Variants in EBF1 observed in about 807,000 individuals in gnomAD.
The protein encoded by EBF1 is EBF transcription factor 1.
In EBF1, 10 loss-of-function variants were observed where a neutral mutation model predicts 68.4. The observed-to-expected ratio is 0.15, with a 90% confidence interval of 0.09 to 0.25. EBF1 has a LOEUF of 0.25. Among genes scored for constraint, EBF1 ranks in the 10% least tolerant of loss-of-function variants. The probability of loss-of-function intolerance (pLI) is 1.00; values close to 1 mark genes in which losing one functional copy is unlikely to be tolerated. For synonymous variants in EBF1, 298 were observed against 299.8 expected (o/e 0.99, Z 0.06); for missense variants, 509 against 794.4 (o/e 0.64, Z 4.32).
chr5:158,815,752 G>T (rs777122490), intron 8 of EBF1, among the ~76,000 whole-genome samples: 1 of 152,104 alleles, frequency 6.6e-6, no homozygotes, highest in Non-Finnish European at 1.5e-5. Context: ...TAGGATTTCC[G>T]GTGTTACCTG....
intron 9 of EBF1, among the ~76,000 whole-genome samples, chr5:158,793,504 C>T (rs551549810): frequency 1.3e-5 from 2 of 152,202 alleles, no homozygotes; most frequent in African/African-American, 2.4e-5. Flanking sequence ...TTTCTTTCCT[C>T]TTTCTGTCAT....
intron 6 of EBF1, among the ~76,000 whole-genome samples, chr5:159,055,727 T>C (rs759387830): frequency 1.6e-4 from 24 of 152,168 alleles, no homozygotes; most frequent in Non-Finnish European, 2.5e-4. Flanking sequence ...GGCCAGGTAA[T>C]GGCAGGAGAA....
intron 6 of EBF1, among the ~76,000 whole-genome samples, chr5:159,003,036 T>G (rs1452179893): frequency 6.6e-6 from 1 of 152,230 alleles, no homozygotes; most frequent in Non-Finnish European, 1.5e-5. Context: ...GCCAGATACA[T>G]TTATATATAT....
chr5:158,967,069 A>AG (rs1036946274), intron 6 of EBF1, among the ~76,000 whole-genome samples: 1 of 151,184 alleles, frequency 6.6e-6, no homozygotes, highest in African/African-American at 2.4e-5. Context: ...AGATAAAAAA[A>AG]CCTTTTCAGG....
intron 8 of EBF1, among the ~76,000 whole-genome samples, chr5:158,811,320 G>A (rs1035118711): frequency 6.6e-6 from 1 of 152,174 alleles, no homozygotes; most frequent in African/African-American, 2.4e-5. Flanking sequence ...TTCAATTGAA[G>A]CAAGTATTAT....
chr5:158,911,955 T>C lies in EBF1; in HGVS notation c.555-71845A>G, dbSNP rs570813038. Among the ~76,000 whole-genome samples, 3 of 152,356 alleles carry C rather than the reference T, an allele frequency of 2.0e-5. No homozygotes were observed. In the East Asian group the frequency reaches 5.8e-4, roughly 29 times the overall value. On this transcript the variant is annotated intron_variant, in intron 6 of 15. Transcript: ENST00000313708. ...CAGCCATACCTGATCTCTATCACCA[T>C]TTCCATGTGCTTTCACAGACAAGAA... is the stretch of plus-strand genomic sequence containing the variant.
At chr5:158,906,486 AGT>A (rs1330026937) in intron 6 of EBF1, among the ~76,000 whole-genome samples, 3 of 152,160 alleles carry the variant, frequency 2.0e-5, no homozygotes, top group African/African-American at 7.2e-5. Flanking sequence ...GAACATGCTC[AGT>A]GTTTATTATG....
intron 9 of EBF1, among the ~76,000 whole-genome samples, chr5:158,781,408 T>C (rs1776430860): frequency 6.6e-6 from 1 of 152,136 alleles, no homozygotes; most frequent in African/African-American, 2.4e-5. Context: ...TTTCACTCAT[T>C]AGCTCAGCCA....
At chr5:158,733,008 T>G (rs1046448514) in intron 10 of EBF1, among the ~76,000 whole-genome samples, 4 of 152,200 alleles carry the variant, frequency 2.6e-5, no homozygotes, top group African/African-American at 9.6e-5. Context: ...TCCTTCCATT[T>G]TATGAATTAC....
chr5:158,861,855 A>C (rs1430860462), intron 6 of EBF1, among the ~76,000 whole-genome samples: 2 of 151,948 alleles, frequency 1.3e-5, no homozygotes, highest in African/African-American at 4.8e-5. Context: ...AAAAAAAAAA[A>C]TGTTTAAAAT....
At chr5:159,072,365 G>T (rs1777959924) in intron 6 of EBF1, among the ~76,000 whole-genome samples, 1 of 152,050 alleles carries the variant, frequency 6.6e-6, no homozygotes, top group Non-Finnish European at 1.5e-5. Context: ...TGTTGTCATT[G>T]TTAACTGAAA....
chr5:159,098,377 T>C (rs1783030007), intron 1 of EBF1, among the ~76,000 whole-genome samples: 1 of 152,154 alleles, frequency 6.6e-6, no homozygotes, highest in Non-Finnish European at 1.5e-5. Context: ...TGACAGGGGC[T>C]GGAGAAGACT....
chr5:158,926,902 C>T (rs979375514), intron 6 of EBF1, among the ~76,000 whole-genome samples: 1 of 152,080 alleles, frequency 6.6e-6, no homozygotes. Flanking sequence ...AATACAACCA[C>T]AAATAAAGGA....
intron 6 of EBF1, among the ~76,000 whole-genome samples, chr5:158,995,895 T>C (rs1396940191): frequency 6.6e-6 from 1 of 152,172 alleles, no homozygotes; most frequent in African/African-American, 2.4e-5. Context: ...TTTTATCACA[T>C]GACGTGCAGA....
At chr5:158,853,686 G>A (rs1793424724) in intron 6 of EBF1, among the ~76,000 whole-genome samples, 1 of 152,030 alleles carries the variant, frequency 6.6e-6, no homozygotes, top group Non-Finnish European at 1.5e-5. Flanking sequence ...GTAAGAGAGA[G>A]AATATTCAAT....
intron 6 of EBF1, among the ~76,000 whole-genome samples, chr5:158,970,182 A>T (rs747662110): frequency 4.6e-5 from 7 of 152,176 alleles, no homozygotes; most frequent in Middle Eastern, 3.2e-3. Flanking sequence ...CTCACAGGAG[A>T]CTTGGAAATC....
chr5:158,853,291 A>G (rs1396398700), intron 6 of EBF1, among the ~76,000 whole-genome samples: 2 of 152,244 alleles, frequency 1.3e-5, no homozygotes, highest in South Asian at 2.1e-4. Flanking sequence ...CAGTCAGAGT[A>G]TCATAACCCC....
chr5:158,924,463 CCTT>C (rs550799403), intron 6 of EBF1, among the ~76,000 whole-genome samples: 67 of 152,292 alleles, frequency 4.4e-4, no homozygotes, highest in African/African-American at 1.6e-3. Context: ...GAGGGCAAAT[CCTT>C]CTCTCCCCAC....
At chr5:159,079,411 T>A (rs150298290) in intron 5 of EBF1, among the ~76,000 whole-genome samples, 64 of 152,304 alleles carry the variant, frequency 4.2e-4, no homozygotes, top group Non-Finnish European at 7.5e-4. Context: ...CCGACATCCT[T>A]CTTATAAGAG....
Sources: gnomAD v4.1 joint callset for allele counts (sites outside exome capture counted in the v4.1 genomes callset) on GRCh38, gnomAD v4.1.1 for gene constraint, MANE v1.5 for transcripts, NCBI Gene and HGNC (gene_info 2026-07-23, HGNC 2026-07-21) for gene names.